PRKG1: variants seen among roughly 807,000 people sequenced by gnomAD.
PRKG1 encodes the protein cGMP-dependent protein kinase 1.
Under a neutral mutation model 88.1 loss-of-function variants are expected in PRKG1, and 35 were observed. That is an observed-to-expected ratio of 0.40 (90% confidence interval 0.30 to 0.53). PRKG1 has a LOEUF of 0.53. Ranked by LOEUF, PRKG1 falls within the 20% of genes least tolerant of loss-of-function variation. PRKG1 has a pLI of 0.59. For synonymous variants in PRKG1, 303 were observed against 292.5 expected (o/e 1.04, Z -0.37); for missense variants, 540 against 839.8 (o/e 0.64, Z 4.41).
chr10:50,999,174 A>C (rs1015736433), intron 1 of PRKG1, among the ~76,000 whole-genome samples: 1 of 152,218 alleles, frequency 6.6e-6, no homozygotes, highest in African/African-American at 2.4e-5. Context: ...CCGCATCTTC[A>C]ACCTTTTTCT....
intron 1 of PRKG1, among the ~76,000 whole-genome samples, chr10:51,003,572 T>C (rs1417190166): frequency 6.6e-6 from 1 of 152,266 alleles, no homozygotes; most frequent in Non-Finnish European, 1.5e-5. Flanking sequence ...ATCTCAGACT[T>C]GCTGACTTTA....
chr10:51,381,977 A>G (rs1837117952), intron 2 of PRKG1, among the ~76,000 whole-genome samples: 1 of 152,218 alleles, frequency 6.6e-6, no homozygotes, highest in South Asian at 2.1e-4. Context: ...ATGGTCAGGG[A>G]TAAAAACAGA....
At chr10:51,583,607 A>G (rs771035329) in intron 3 of PRKG1, among the ~76,000 whole-genome samples, 5 of 152,072 alleles carry the variant, frequency 3.3e-5, no homozygotes, top group Non-Finnish European at 7.4e-5. Flanking sequence ...CATCTTCTCT[A>G]TCTAGAATAT....
At chr10:51,107,193 G>A (rs1276143392) in intron 1 of PRKG1, among the ~76,000 whole-genome samples, 1 of 152,126 alleles carries the variant, frequency 6.6e-6, no homozygotes, top group Non-Finnish European at 1.5e-5. Flanking sequence ...GTACATGAGG[G>A]CCAGCAGGGC....
intron 8 of PRKG1, among the ~76,000 whole-genome samples, chr10:52,160,116 A>T (rs981237634): frequency 5.9e-5 from 9 of 151,940 alleles, no homozygotes; most frequent in Non-Finnish European, 1.3e-4. Flanking sequence ...GCCAGATATT[A>T]TCTATTTATA....
At chr10:51,869,333 A>AAC (rs1564684972) in intron 4 of PRKG1, among the ~76,000 whole-genome samples, 3 of 152,188 alleles carry the variant, frequency 2.0e-5, no homozygotes, top group African/African-American at 7.2e-5. Context: ...TTTATCATAG[A>AAC]CAAGAATTTT....
chr10:52,112,585 C>A (rs1453191569), intron 7 of PRKG1, among the ~76,000 whole-genome samples: 1 of 152,156 alleles, frequency 6.6e-6, no homozygotes, highest in Non-Finnish European at 1.5e-5. Flanking sequence ...CTGTTAACAT[C>A]TCTCATTCTT....
At chr10:51,028,844 A>G (rs1163519044) in intron 1 of PRKG1, among the ~76,000 whole-genome samples, 4 of 152,194 alleles carry the variant, frequency 2.6e-5, no homozygotes, top group African/African-American at 4.8e-5. Flanking sequence ...ATTCGAGAAT[A>G]TAAACTCATA....
chr10:52,087,008 C>T lies in PRKG1; in HGVS notation c.935+24377C>T, dbSNP rs976266494. On this transcript the variant is annotated intron_variant, in intron 7 of 17. Coordinates refer to ENST00000373980, the MANE Select transcript of PRKG1 (RefSeq NM_006258.4). Reference sequence around the variant, plus strand: ...ACTCACTCACTGTCATGAGGGTAACCGCCCCATAATTCAATTGCCTCCTAC... The same window carrying T: ...ACTCACTCACTGTCATGAGGGTAACTGCCCCATAATTCAATTGCCTCCTAC... Among the ~76,000 whole-genome samples, 7 of 152,110 alleles carry T rather than the reference C, an allele frequency of 4.6e-5. No individual in the cohort carries two copies. In the East Asian group the frequency reaches 7.7e-4, roughly 17 times the overall value.
chr10:51,403,844 A>T (rs1360907217), intron 2 of PRKG1, among the ~76,000 whole-genome samples: 1 of 152,156 alleles, frequency 6.6e-6, no homozygotes. Flanking sequence ...TCATATATTG[A>T]CATATAACAA....
At chr10:51,608,008 T>C (rs1446402686) in intron 3 of PRKG1, among the ~76,000 whole-genome samples, 3 of 152,198 alleles carry the variant, frequency 2.0e-5, no homozygotes, top group African/African-American at 7.2e-5. Context: ...CACTTTCAAG[T>C]ATTTTTGCTG....
intron 2 of PRKG1, among the ~76,000 whole-genome samples, chr10:51,273,837 C>T (rs973129069): frequency 1.3e-5 from 2 of 152,208 alleles, no homozygotes; most frequent in Non-Finnish European, 2.9e-5. Flanking sequence ...GTTTATACCA[C>T]CCACCTTATG....
At chr10:51,029,669 G>T (rs1041069338) in intron 1 of PRKG1, among the ~76,000 whole-genome samples, 2 of 152,140 alleles carry the variant, frequency 1.3e-5, no homozygotes. Context: ...TGTACCCATG[G>T]ATGAGTCATT....
intron 5 of PRKG1, among the ~76,000 whole-genome samples, chr10:51,993,777 T>C (rs1440135360): frequency 6.6e-6 from 1 of 152,220 alleles, no homozygotes; most frequent in Non-Finnish European, 1.5e-5. Context: ...ACATGACAAT[T>C]GTCAGGTTGA....
At chr10:52,034,087 T>G (rs1405366541) in intron 5 of PRKG1, among the ~76,000 whole-genome samples, 12 of 151,786 alleles carry the variant, frequency 7.9e-5, no homozygotes, top group Non-Finnish European at 1.8e-4. Flanking sequence ...ATGTCATCAG[T>G]TAAGGTGGGG....
At chr10:51,284,893 A>AT (rs1335687861) in intron 2 of PRKG1, among the ~76,000 whole-genome samples, 4 of 49,342 alleles carry the variant, frequency 8.1e-5, no homozygotes, top group African/African-American at 1.7e-4. Flanking sequence ...TTTTTAAGCT[A>AT]TTCTTTTTTT....
intron 3 of PRKG1, among the ~76,000 whole-genome samples, chr10:51,740,471 C>A (rs1375895783): frequency 6.6e-6 from 1 of 152,074 alleles, no homozygotes; most frequent in Non-Finnish European, 1.5e-5. Flanking sequence ...TTTTCTCAAA[C>A]AAATTTTGTG....
chr10:51,857,155 T>G (rs1282977111), intron 4 of PRKG1, among the ~76,000 whole-genome samples: 1 of 152,132 alleles, frequency 6.6e-6, no homozygotes. Context: ...TTGATTATTT[T>G]GGGGGTGAAG....
chr10:51,622,381 A>G (rs1589137853), intron 3 of PRKG1, among the ~76,000 whole-genome samples: 1 of 152,310 alleles, frequency 6.6e-6, no homozygotes, highest in East Asian at 1.9e-4. Context: ...GTAGTAGTGA[A>G]TCATGATCAA....
Sources: gnomAD v4.1 joint callset for allele counts (sites outside exome capture counted in the v4.1 genomes callset) on GRCh38, gnomAD v4.1.1 for gene constraint, MANE v1.5 for transcripts, NCBI Gene and HGNC (gene_info 2026-07-23, HGNC 2026-07-21) for gene names.